The following HSD17B11 variants were observed in gnomAD, a reference collection of about 807,000 sequenced individuals.
The protein encoded by HSD17B11 is hydroxysteroid 17-beta dehydrogenase 11.
Under a neutral mutation model 27.8 loss-of-function variants are expected in HSD17B11, and 22 were observed. The observed-to-expected ratio is 0.79, with a 90% CI of 0.56 to 1.13. The LOEUF (loss-of-function observed/expected upper bound fraction) is 1.13, where lower values mean the gene tolerates loss of function less well. HSD17B11 is among the 50% of genes most tolerant of loss of function. HSD17B11 has a pLI of 0.00. For synonymous variants in HSD17B11, 117 were observed against 132.8 expected (o/e 0.88, Z 0.82); for missense variants, 314 against 351.1 (o/e 0.89, Z 0.84).
chr4:87,390,756 T>TC (rs1720436421), intron 1 of HSD17B11, 105 bp downstream of exon 1: 1 of 930,228 alleles, frequency 1.1e-6, no homozygotes. Context: ...AATTTTTTTT[T>TC]CCTCCCTGCT....
intron 1 of HSD17B11, among the ~76,000 whole-genome samples, chr4:87,383,509 T>C (rs891849224): frequency 2.0e-5 from 3 of 152,110 alleles, no homozygotes; most frequent in African/African-American, 7.2e-5. Context: ...TAAGACTTGG[T>C]GAGTAGATGA....
chr4:87,366,866 T>C (rs1279613605), intron 4 of HSD17B11, among the ~76,000 whole-genome samples: 1 of 152,186 alleles, frequency 6.6e-6, no homozygotes, highest in Admixed American at 6.5e-5. Flanking sequence ...AGCTGGAATG[T>C]TCATGAATAA....
chr4:87,338,222 G>A (rs1007876214), intron 6 of HSD17B11, among the ~76,000 whole-genome samples: 1 of 149,318 alleles, frequency 6.7e-6, no homozygotes, highest in South Asian at 2.1e-4. Context: ...GTCCCCCACA[G>A]CACCCCCCCA....
chr4:87,361,886 C>G (rs945662132), intron 4 of HSD17B11, among the ~76,000 whole-genome samples: 2 of 152,204 alleles, frequency 1.3e-5, no homozygotes, highest in African/African-American at 4.8e-5. Flanking sequence ...TAACATCTTT[C>G]TGGCAACCAC....
intron 5 of HSD17B11, among the ~76,000 whole-genome samples, chr4:87,355,228 A>G (rs1560760435): frequency 6.6e-6 from 1 of 152,188 alleles, no homozygotes; most frequent in Non-Finnish European, 1.5e-5. Flanking sequence ...GAGGAAAATG[A>G]TGTATTATTT....
intron 6 of HSD17B11, among the ~76,000 whole-genome samples, chr4:87,338,185 CCAGCCTGGGCGA>C (rs1735088514): frequency 6.6e-6 from 1 of 152,152 alleles, no homozygotes; most frequent in East Asian, 1.9e-4. Context: ...CCATTGCGCT[CCAGCCTGGGCGA>C]CAGAGCGAGA....
At chr4:87,357,041 A>C (rs1023817729) in intron 5 of HSD17B11, among the ~76,000 whole-genome samples, 1 of 152,208 alleles carries the variant, frequency 6.6e-6, no homozygotes, top group African/African-American at 2.4e-5. Context: ...GAGAAGAAAA[A>C]AGGAAGAGTT....
chr4:87,357,464 G>T (rs1244485856), intron 4 of HSD17B11, 48 bp from the exon 5 acceptor site: 3 of 1,567,258 alleles, frequency 1.9e-6, no homozygotes, highest in Non-Finnish European at 2.6e-6. Flanking sequence ...TGAAATGTCT[G>T]CCTGTTTTCC....
chr4:87,391,028 T>G lies in HSD17B11; in HGVS notation c.43A>C (p.Ile15Leu). 6.2e-7 allele frequency: 1 copy of G among 1,613,754 alleles called. No homozygotes were observed. The highest frequency in any genetic ancestry group is 1.1e-5 in the South Asian group (1 of 91,068). ...ACGAAGGACTCTAGGGAGCAGACGA[T>G]CAGTAACGGGAGAAGCAGGAGGATG... ...LDILLLLPLL[I>L]VCSLESFVKL... Residue 15 changes from isoleucine (I) to leucine (L), a missense_variant, in exon 1 of 7, where the codon ATC becomes CTC. By Grantham distance (5) the Ile-to-Leu change is conservative. Transcript: ENST00000358290.
intron 5 of HSD17B11, among the ~76,000 whole-genome samples, chr4:87,341,495 T>C (rs944052666): frequency 2.6e-5 from 4 of 152,164 alleles, no homozygotes; most frequent in Non-Finnish European, 5.9e-5. Flanking sequence ...CTTAGTTCCA[T>C]GTTACATCTT....
chr4:87,341,415 G>A (rs558970031), intron 5 of HSD17B11, among the ~76,000 whole-genome samples: 12 of 152,222 alleles, frequency 7.9e-5, no homozygotes, highest in Admixed American at 6.5e-4. Context: ...CAAGTGATCC[G>A]CCAGCCTCGG....
intron 4 of HSD17B11, among the ~76,000 whole-genome samples, chr4:87,367,464 T>C (rs1250614964): frequency 6.6e-6 from 1 of 152,200 alleles, no homozygotes; most frequent in Non-Finnish European, 1.5e-5. Context: ...AAAAAAGTCT[T>C]ACCTGAGATT....
intron 1 of HSD17B11, among the ~76,000 whole-genome samples, chr4:87,388,234 A>T (rs1041397464): frequency 6.6e-6 from 1 of 151,654 alleles, no homozygotes. Context: ...TTATCATTTC[A>T]ACATGTATAC....
chr4:87,390,954 C>A lies in HSD17B11; in HGVS notation c.117G>T (p.Val39=). 6.2e-7 allele frequency: 1 copy of A among 1,614,130 alleles called. No homozygotes were observed. The highest frequency in any genetic ancestry group is 8.5e-7 in the Non-Finnish European group (1 of 1,180,026). The change falls in exon 1 of 7, where the codon GTG becomes GTT. Residue 39 remains valine (V), a synonymous_variant. Coordinates refer to ENST00000358290, the MANE Select transcript of HSD17B11 (RefSeq NM_016245.5). ...KRRKSVTGEI[V]LITGAGHGIG... ...TTCCATGCCCAGCTCCTGTAATCAGCACGATTTCGCCGGTGACTGATTTTC... is the reference window on the plus strand; with the variant it reads ...TTCCATGCCCAGCTCCTGTAATCAGAACGATTTCGCCGGTGACTGATTTTC...
In HSD17B11 at chr4:87,373,519, G is replaced by C. The variant is rs772317886; in HGVS notation, c.451-704C>G. ...GAACCCAGGAGCTCGAGATCAGCCT[G>C]TGCAACATGGCAAAACCTCATCTCC... On this transcript the variant is annotated intron_variant, in intron 3 of 6. Coordinates refer to ENST00000358290, the MANE Select transcript of HSD17B11 (RefSeq NM_016245.5). 2.0e-4 allele frequency among the ~76,000 whole-genome samples: 31 copies of C among 152,148 alleles called. 1 individual carries two copies. The highest frequency in any genetic ancestry group is 1.7e-3 in the South Asian group (8 of 4,808).
At chr4:87,338,308 G>A (rs984980958) in intron 6 of HSD17B11, among the ~76,000 whole-genome samples, 9 of 151,988 alleles carry the variant, frequency 5.9e-5, no homozygotes, top group African/African-American at 1.7e-4. Context: ...GAATATTTAG[G>A]GAGTTGTCAC....
At chr4:87,383,801 T>G (rs1419686976) in intron 1 of HSD17B11, among the ~76,000 whole-genome samples, 2 of 151,832 alleles carry the variant, frequency 1.3e-5, no homozygotes, top group East Asian at 3.9e-4. Flanking sequence ...TGGATGAAGA[T>G]CTAGTATTGT....
chr4:87,338,124 G>A (rs1735087325), intron 6 of HSD17B11, among the ~76,000 whole-genome samples: 1 of 152,218 alleles, frequency 6.6e-6, no homozygotes, highest in Admixed American at 6.5e-5. Context: ...GGCTAAGGCA[G>A]AAGAATTGCT....
chr4:87,386,557 T>TGTAG (rs1247078768), intron 1 of HSD17B11, among the ~76,000 whole-genome samples: 1 of 151,820 alleles, frequency 6.6e-6, no homozygotes, highest in Non-Finnish European at 1.5e-5. Flanking sequence ...GACAGTGCCC[T>TGTAG]GTAGATAGTT....
Sources: allele counts gnomAD v4.1 joint callset (sites outside exome capture counted in the v4.1 genomes callset), GRCh38; gene constraint gnomAD v4.1.1; transcripts MANE v1.5; gene names NCBI Gene and HGNC (gene_info 2026-07-23, HGNC 2026-07-21).